DNAH11: variants seen among roughly 807,000 people sequenced by gnomAD.
DNAH11 encodes the protein axonemal beta dynein heavy chain 11.
In DNAH11, 442 loss-of-function variants were observed where a neutral mutation model predicts 526.0. The ratio of observed to expected loss-of-function variants is 0.84; its 90% CI spans 0.78 to 0.91. The LOEUF is 0.91. Ranked by LOEUF, DNAH11 falls within the 40% of genes least tolerant of loss-of-function variation. The pLI is 0.00. For synonymous variants in DNAH11, 2,461 were observed against 1,935.9 expected, an observed-to-expected ratio of 1.27 and a Z score of -7.12; for missense variants, 6,989 against 5,448.7, an observed-to-expected ratio of 1.28 and a Z score of -8.90.
chr7:21,858,072 CAG>C (rs35653448), intron 68 of DNAH11, among the ~76,000 whole-genome samples: 12 of 152,102 alleles, frequency 7.9e-5, no homozygotes, highest in Non-Finnish European at 1.5e-4. Context: ...TTGTACAACT[CAG>C]TAATAAGAGT....
chr7:21,813,604 A>G (rs188467002), intron 63 of DNAH11, among the ~76,000 whole-genome samples: 2 of 152,278 alleles, frequency 1.3e-5, no homozygotes, highest in Admixed American at 1.3e-4. Context: ...CCAGATGGGC[A>G]TTTGGTGTTA....
At chr7:21,719,999 G>A (rs1392132372) in intron 43 of DNAH11, among the ~76,000 whole-genome samples, 1 of 152,180 alleles carries the variant, frequency 6.6e-6, no homozygotes, top group African/African-American at 2.4e-5. Flanking sequence ...CCTCATTGCT[G>A]GCGCAACTGC....
intron 11 of DNAH11, 76 bp downstream of exon 11, chr7:21,588,712 T>C: frequency 6.5e-7 from 1 of 1,527,950 alleles, no homozygotes; most frequent in African/African-American, 1.4e-5. Context: ...AGTGAGCTGT[T>C]CATATTAGCA....
chr7:21,852,941 C>G (rs960836782), intron 67 of DNAH11, among the ~76,000 whole-genome samples: 3 of 152,198 alleles, frequency 2.0e-5, no homozygotes, highest in Admixed American at 1.3e-4. Flanking sequence ...TCTGAAAAGC[C>G]TTAGCATCCG....
intron 44 of DNAH11, among the ~76,000 whole-genome samples, chr7:21,725,132 T>G (rs1785046975): frequency 6.6e-6 from 1 of 152,378 alleles, no homozygotes; most frequent in Non-Finnish European, 1.5e-5. Flanking sequence ...GAGAGCCTGT[T>G]CCTTGCCAAT....
chr7:21,738,928 A>C, intron 47 of DNAH11, 62 bp downstream of exon 47: 1 of 1,309,442 alleles, frequency 7.6e-7, no homozygotes, highest in Non-Finnish European at 1.0e-6. Flanking sequence ...GATAATAATT[A>C]CTATGGATGA....
intron 44 of DNAH11, 33 bp downstream of exon 44, chr7:21,720,889 C>G (rs1483433359): frequency 6.2e-7 from 1 of 1,603,102 alleles, no homozygotes; most frequent in Non-Finnish European, 8.5e-7. Flanking sequence ...GGACCAGTTT[C>G]CAGTTTTGTG....
At chr7:21,733,320 A>G (rs1785462756) in intron 45 of DNAH11, among the ~76,000 whole-genome samples, 1 of 152,192 alleles carries the variant, frequency 6.6e-6, no homozygotes, top group Non-Finnish European at 1.5e-5. Context: ...CTCAGGAGGC[A>G]GAGTTTGCAG....
chr7:21,855,156 T>C (rs945228756), intron 68 of DNAH11, among the ~76,000 whole-genome samples: 1 of 151,438 alleles, frequency 6.6e-6, no homozygotes, highest in Non-Finnish European at 1.5e-5. Context: ...CTCAGCCTCC[T>C]GAGTAGCTGG....
rs775173081 is a variant in DNAH11, at chr7:21,600,063, A to C, written c.2944A>C (p.Arg982=). 3 of 1,603,722 alleles carry C rather than the reference A, an allele frequency of 1.9e-6. 1 individual carries two copies. The South Asian group carries it at 3.4e-5, about 18-fold the overall frequency. ...AGAAGAAATGTTATGCAATAGTTTT[A>C]GAATGTCTGCCCAGATGAACCGAAT... ...LVEEMLCNSF[R]MSAQMNRIAT... is the part of the protein sequence containing the mutation. The change falls in exon 15 of 82, where the codon AGA becomes CGA. Residue 982 remains arginine (R), a synonymous_variant. Transcript: ENST00000409508.
chr7:21,547,592 C>T (rs1009833962), intron 2 of DNAH11, among the ~76,000 whole-genome samples: 16 of 152,180 alleles, frequency 1.1e-4, no homozygotes, highest in African/African-American at 2.9e-4. Flanking sequence ...CCCCCTTCCT[C>T]ACTTAATTTT....
chr7:21,755,567 A>G (rs529606383), intron 54 of DNAH11, among the ~76,000 whole-genome samples: 51 of 152,160 alleles, frequency 3.4e-4, no homozygotes, highest in Non-Finnish European at 6.3e-4. Context: ...ATTGGAGAGA[A>G]TTTAAAAATA....
At chr7:21,779,680 G>C (rs1272319829) in intron 57 of DNAH11, among the ~76,000 whole-genome samples, 2 of 152,132 alleles carry the variant, frequency 1.3e-5, no homozygotes, top group Admixed American at 1.3e-4. Flanking sequence ...TAGCAATTCT[G>C]AAATAAGTAC....
At position 21,613,571 on chromosome 7, in the gene DNAH11, CAG is replaced by C. The variant is rs536229455; in HGVS notation, c.3853-1540_3853-1539del. Among the ~76,000 whole-genome samples the C allele has an allele frequency of 1.4e-3, 217 of 152,210 alleles. 2 individuals carry two copies. Among genetic ancestry groups the C allele is most frequent in the African/African-American group, 4.9e-3 (202 of 41,538 alleles). On this transcript the variant is annotated intron_variant, in intron 20 of 81. Transcript: ENST00000409508. ...CTTTACATAGTAGGAAATGAAGAGA[CAG>C]AGTTGGGGTTGGGGAGATGTTAGTT...
chr7:21,711,637 G>T (rs1162473336), intron 41 of DNAH11, 75 bp from the exon 42 acceptor site: 55 of 1,546,632 alleles, frequency 3.6e-5, no homozygotes, highest in Non-Finnish European at 4.5e-5. Context: ...CTTCTGGTAG[G>T]GGAAAGTACT....
chr7:21,873,154 G>C, intron 73 of DNAH11, 120 bp from the exon 74 acceptor site: 1 of 915,554 alleles, frequency 1.1e-6, no homozygotes, highest in Non-Finnish European at 1.7e-6. Flanking sequence ...TATTGATAAA[G>C]GAAAATTTGA....
At chr7:21,755,743 C>T (rs1053933507) in intron 54 of DNAH11, among the ~76,000 whole-genome samples, 2 of 152,106 alleles carry the variant, frequency 1.3e-5, no homozygotes, top group African/African-American at 4.8e-5. Flanking sequence ...TAATTACCTT[C>T]CCATTTGTCT....
chr7:21,627,966 G>A (rs990635031), intron 25 of DNAH11, among the ~76,000 whole-genome samples: 2 of 151,626 alleles, frequency 1.3e-5, no homozygotes, highest in African/African-American at 4.8e-5. Flanking sequence ...GTTTCATAAT[G>A]TTTCTCATAT....
intron 28 of DNAH11, among the ~76,000 whole-genome samples, chr7:21,648,310 T>G (rs149555355): frequency 2.7e-4 from 41 of 152,346 alleles, no homozygotes; most frequent in Middle Eastern, 6.8e-3. Context: ...GCCCTTTGAA[T>G]GTGATGTGGC....
Sources: gnomAD v4.1 joint callset for allele counts (sites outside exome capture counted in the v4.1 genomes callset) on GRCh38, gnomAD v4.1.1 for gene constraint, MANE v1.5 for transcripts, NCBI Gene and HGNC (gene_info 2026-07-23, HGNC 2026-07-21) for gene names.